The following SLC17A5 variants were observed in gnomAD, a reference collection of about 807,000 sequenced individuals.
The protein encoded by SLC17A5 is solute carrier family 17 member 5, also known as sialin.
SLC17A5 carries 47 observed loss-of-function variants against 59.4 expected under a neutral mutation model. The ratio of observed to expected loss-of-function variants is 0.79; its 90% CI spans 0.63 to 1.01. The LOEUF is 1.01. Among genes scored for constraint, SLC17A5 ranks in the 50% least tolerant of loss-of-function variants. The pLI, the probability that SLC17A5 is intolerant of heterozygous loss-of-function variation, is 0.00. For missense variants in SLC17A5, 522 were observed against 595.5 expected (o/e 0.88, Z 1.28); for synonymous variants, 202 against 210.7 (o/e 0.96, Z 0.36).
rs1317883943 is a variant in SLC17A5, at chr6:73,653,549, C to A, written c.94+244G>T. Reference sequence around the variant, plus strand: ...CCCCGCCCGGTGGGGCTGCACCTGCCGAGGCCCCGGCTCGGCTCCGCGATC... The same window carrying A: ...CCCCGCCCGGTGGGGCTGCACCTGCAGAGGCCCCGGCTCGGCTCCGCGATC... On this transcript the variant is annotated intron_variant, in intron 1 of 10. Coordinates refer to ENST00000355773, the MANE Select transcript of SLC17A5 (RefSeq NM_012434.5). The A allele has an allele frequency of 3.3e-6, 3 of 905,778 alleles. No homozygotes were observed. In the South Asian group the frequency reaches 1.5e-4, roughly 46 times the overall value. 56.1% of individuals were successfully genotyped at this position (905,778 alleles called of 1,614,324 possible). A position where few individuals can be genotyped will look rare whatever the true frequency, so the allele number is the denominator to read the frequency against.
At chr6:73,635,304 T>C (rs1768942279) in intron 6 of SLC17A5, 78 bp downstream of exon 6, 1 of 810,388 alleles carries the variant, frequency 1.2e-6, no homozygotes, top group African/African-American at 1.7e-5. Context: ...TAGGAATATA[T>C]ATTTTTAAAA....
intron 6 of SLC17A5, among the ~76,000 whole-genome samples, chr6:73,630,146 C>T (rs5007649): frequency 0.16 from 24,726 of 151,776 alleles, 3,089 homozygotes; most frequent in African/African-American, 0.35. Flanking sequence ...GCACACGCTA[C>T]GACGCCTGGC....
intron 5 of SLC17A5, 48 bp downstream of exon 5, chr6:73,636,573 A>T (rs1561997848): frequency 2.8e-6 from 3 of 1,061,148 alleles, no homozygotes; most frequent in Non-Finnish European, 4.4e-6. Context: ...TACTATTATT[A>T]CATTTTGAAT....
chr6:73,602,433 A>G, intron 9 of SLC17A5, among the ~76,000 whole-genome samples: 1 of 134,942 alleles, frequency 7.4e-6, no homozygotes, highest in East Asian at 2.0e-4. Context: ...AAGAATGATC[A>G]ATAAAAAAAA....
intron 7 of SLC17A5, among the ~76,000 whole-genome samples, chr6:73,616,287 C>G (rs1767861789): frequency 6.6e-6 from 1 of 152,056 alleles, no homozygotes; most frequent in African/African-American, 2.4e-5. Context: ...TCTTCCTCCC[C>G]CCTTAAATAA....
chr6:73,602,578 T>C (rs1293602769), intron 9 of SLC17A5, among the ~76,000 whole-genome samples: 1 of 151,998 alleles, frequency 6.6e-6, no homozygotes, highest in Non-Finnish European at 1.5e-5. Context: ...ATCGAGACCA[T>C]GCTGGCTAAC....
At chr6:73,644,695 C>T in intron 1 of SLC17A5, 92 bp from the exon 2 acceptor site, 1 of 1,244,550 alleles carries the variant, frequency 8.0e-7, no homozygotes, top group Non-Finnish European at 1.1e-6. Context: ...TGGTCTTGAA[C>T]TCCTGGGCTC....
At chr6:73,631,316 C>T (rs12210126) in intron 6 of SLC17A5, among the ~76,000 whole-genome samples, 32,985 of 151,516 alleles carry the variant, frequency 0.22, 3,972 homozygotes, top group Non-Finnish European at 0.25. Flanking sequence ...TGAGCACAGA[C>T]AAAAACACAA....
At chr6:73,630,703 ACTCT>A (rs777634578) in intron 6 of SLC17A5, among the ~76,000 whole-genome samples, 1 of 151,880 alleles carries the variant, frequency 6.6e-6, no homozygotes, top group Non-Finnish European at 1.5e-5. Flanking sequence ...AGAAGGTGTC[ACTCT>A]CTCTCTAGAA....
At chr6:73,642,680 G>A (rs928417513) in intron 2 of SLC17A5, among the ~76,000 whole-genome samples, 5 of 152,320 alleles carry the variant, frequency 3.3e-5, no homozygotes, top group Middle Eastern at 3.4e-3. Flanking sequence ...TTTAGTGACT[G>A]ATCTGAGTAT....
At chr6:73,645,119 C>G (rs1193525438) in intron 1 of SLC17A5, among the ~76,000 whole-genome samples, 1 of 152,104 alleles carries the variant, frequency 6.6e-6, no homozygotes, top group Non-Finnish European at 1.5e-5. Context: ...AATGGCATTA[C>G]TATTTCTGAA....
At chr6:73,598,877 G>A (rs370852629) in intron 10 of SLC17A5, among the ~76,000 whole-genome samples, 6 of 152,026 alleles carry the variant, frequency 3.9e-5, no homozygotes, top group African/African-American at 1.2e-4. Flanking sequence ...CCAGCTATTC[G>A]GGAGGCTGAG....
chr6:73,600,236 A>C (rs959444920), intron 10 of SLC17A5, 115 bp downstream of exon 10: 1 of 854,758 alleles, frequency 1.2e-6, no homozygotes, highest in African/African-American at 1.7e-5. Context: ...TTTTGTTGCT[A>C]AAAAGAATTT....
At chr6:73,599,123 A>C (rs1033959565) in intron 10 of SLC17A5, among the ~76,000 whole-genome samples, 7 of 152,158 alleles carry the variant, frequency 4.6e-5, no homozygotes, top group Admixed American at 2.6e-4. Flanking sequence ...CAGAGGTTGC[A>C]GTGAGCTGAG....
chr6:73,649,671 AG>A (rs1769753518), intron 1 of SLC17A5, among the ~76,000 whole-genome samples: 1 of 152,220 alleles, frequency 6.6e-6, no homozygotes, highest in Non-Finnish European at 1.5e-5. Context: ...TGCCTGAATT[AG>A]GGTTATTATA....
At chr6:73,640,089 CTGAGA>C (rs1402896725) in intron 3 of SLC17A5, among the ~76,000 whole-genome samples, 1 of 152,056 alleles carries the variant, frequency 6.6e-6, no homozygotes, top group Non-Finnish European at 1.5e-5. Context: ...AAAATGTCAC[CTGAGA>C]TAACAGTGGT....
chr6:73,627,491 T>C (rs12193002), intron 6 of SLC17A5, among the ~76,000 whole-genome samples: 33,331 of 152,052 alleles, frequency 0.22, 3,857 homozygotes, highest in Non-Finnish European at 0.25. Context: ...ACAGCTTTTT[T>C]TGATGTTCTG....
intron 7 of SLC17A5, among the ~76,000 whole-genome samples, chr6:73,616,950 G>A (rs369634506): frequency 3.2e-4 from 48 of 151,650 alleles, no homozygotes; most frequent in Admixed American, 1.1e-3. Context: ...CATTTTTCGC[G>A]TCCAATCATC....
chr6:73,611,689 A>G (rs1396865026), intron 8 of SLC17A5, among the ~76,000 whole-genome samples: 1 of 152,176 alleles, frequency 6.6e-6, no homozygotes, highest in Non-Finnish European at 1.5e-5. Context: ...AAATATGAGA[A>G]GAGACTTAAT....
Sources: allele counts gnomAD v4.1 joint callset (sites outside exome capture counted in the v4.1 genomes callset), GRCh38; gene constraint gnomAD v4.1.1; transcripts MANE v1.5; gene names NCBI Gene and HGNC (gene_info 2026-07-23, HGNC 2026-07-21).